Variants in TCERG1L observed in about 807,000 individuals in gnomAD.
The protein encoded by TCERG1L is transcription elongation regulator 1-like protein.
In TCERG1L, 37 loss-of-function variants were observed where a neutral mutation model predicts 56.3. The observed-to-expected ratio is 0.66, with a 90% CI of 0.51 to 0.87. The LOEUF (loss-of-function observed/expected upper bound fraction) is 0.87, where lower values mean the gene tolerates loss of function less well. TCERG1L is among the 40% of genes least tolerant of loss of function. The pLI, the probability that TCERG1L is intolerant of heterozygous loss-of-function variation, is 0.00. For synonymous variants in TCERG1L, 324 were observed against 326.3 expected (o/e 0.99, Z 0.08); for missense variants, 799 against 774.2 (o/e 1.03, Z -0.38).
chr10:131,179,065 T>C (rs1845142526), intron 4 of TCERG1L, among the ~76,000 whole-genome samples: 1 of 152,136 alleles, frequency 6.6e-6, no homozygotes, highest in African/African-American at 2.4e-5. Context: ...TGAGCCCGCG[T>C]CGGCACCATG....
At chr10:131,156,332 G>C (rs574119219) in intron 6 of TCERG1L, 1 of 151,802 alleles carries the variant, frequency 6.6e-6, no homozygotes, top group African/African-American at 2.4e-5. Context: ...TAAATGTCAC[G>C]CCCAATAAAT....
chr10:131,197,251 G>A (rs1224981531), intron 4 of TCERG1L, among the ~76,000 whole-genome samples: 4 of 151,000 alleles, frequency 2.6e-5, no homozygotes, highest in South Asian at 2.1e-4. Flanking sequence ...GCAAGATCTC[G>A]GCTCAGTGCA....
chr10:131,193,667 T>G (rs1044565258), intron 4 of TCERG1L, among the ~76,000 whole-genome samples: 5 of 152,226 alleles, frequency 3.3e-5, no homozygotes, highest in Non-Finnish European at 2.9e-5. Flanking sequence ...TGGCCTTATT[T>G]CTGGCTTCTG....
rs569026305 is a variant in TCERG1L at position 131,249,132 on chromosome 10, C to G, written c.856+11127G>C. ...CAGCAGGGACTCAGCAAAAGTGGGGCGGCTGACTGATTCATCAGGTGGGGG... is the reference window on the plus strand; with the variant it reads ...CAGCAGGGACTCAGCAAAAGTGGGGGGGCTGACTGATTCATCAGGTGGGGG... On this transcript the variant is annotated intron_variant, in intron 4 of 11. Coordinates refer to ENST00000368642, the MANE Select transcript of TCERG1L (RefSeq NM_174937.4). Among the ~76,000 whole-genome samples the G allele has an allele frequency of 5.3e-5, 8 of 152,330 alleles. No homozygotes were observed. The South Asian group carries it at 1.0e-3, about 20-fold the overall frequency.
Position 131,113,350 on chromosome 10 carries a change from T to C in TCERG1L, c.1395+3449A>G, listed in dbSNP as rs927579670. ...CTTCCCTGGTGGCCAGCCTAGCCCT[T>C]TCTGTGCACGCGTGCCCTGGCTGAA... On this transcript the variant is annotated intron_variant, in intron 9 of 11. Coordinates refer to ENST00000368642, the MANE Select transcript of TCERG1L (RefSeq NM_174937.4). 8.5e-5 allele frequency among the ~76,000 whole-genome samples: 12 copies of C among 141,982 alleles called. 2 individuals carry two copies. The highest frequency in any genetic ancestry group is 3.0e-4 in the African/African-American group (12 of 40,350). 93.1% of individuals were successfully genotyped at this position (141,982 alleles called of 152,430 possible).
chr10:131,156,534 A>C (rs903337436), intron 6 of TCERG1L, among the ~76,000 whole-genome samples: 2 of 152,138 alleles, frequency 1.3e-5, no homozygotes, highest in African/African-American at 4.8e-5. Flanking sequence ...TCTTATGCCC[A>C]ATTTCTGCCT....
rs368639746 is a variant in TCERG1L, at chr10:131,239,597, C to G, written c.856+20662G>C. 2.6e-5 allele frequency among the ~76,000 whole-genome samples: 4 copies of G among 152,364 alleles called. No homozygotes were observed. In the South Asian group the frequency reaches 8.3e-4, roughly 32 times the overall value. ...CTCAGACGCATCGGCCCTCAGACATCCATCGCACCAGAGTCAGAGGTGAGG... is the reference window on the plus strand; with the variant it reads ...CTCAGACGCATCGGCCCTCAGACATGCATCGCACCAGAGTCAGAGGTGAGG... On this transcript the variant is annotated intron_variant, in intron 4 of 11. Coordinates refer to ENST00000368642, the MANE Select transcript of TCERG1L (RefSeq NM_174937.4).
chr10:131,265,277 T>C (rs778381545), intron 3 of TCERG1L, among the ~76,000 whole-genome samples: 12 of 152,244 alleles, frequency 7.9e-5, no homozygotes, highest in Middle Eastern at 3.2e-3. Flanking sequence ...GGAAACTTTC[T>C]TATCTGTCTC....
chr10:131,248,659 C>T (rs1029823779), intron 4 of TCERG1L, among the ~76,000 whole-genome samples: 44 of 152,192 alleles, frequency 2.9e-4, no homozygotes, highest in African/African-American at 9.9e-4. Context: ...GGAATGAGAG[C>T]CCCCGTGCTG....
chr10:131,258,818 T>G (rs2133541152), intron 4 of TCERG1L, among the ~76,000 whole-genome samples: 1 of 152,302 alleles, frequency 6.6e-6, no homozygotes, highest in African/African-American at 2.4e-5. Context: ...TATGTCACCT[T>G]ATAAATCATG....
At chr10:131,291,444 T>G (rs1430370783) in intron 3 of TCERG1L, among the ~76,000 whole-genome samples, 2 of 113,546 alleles carry the variant, frequency 1.8e-5, no homozygotes, top group Admixed American at 2.1e-4. Context: ...TTTTTTTTTT[T>G]GAGACGGAGT....
chr10:131,188,917 G>C (rs1174245121), intron 4 of TCERG1L, among the ~76,000 whole-genome samples: 1 of 152,116 alleles, frequency 6.6e-6, no homozygotes, highest in Non-Finnish European at 1.5e-5. Context: ...GCAAATATGA[G>C]TGTATATCTT....
chr10:131,283,793 A>G (rs1846490061), intron 3 of TCERG1L, among the ~76,000 whole-genome samples: 1 of 152,186 alleles, frequency 6.6e-6, no homozygotes, highest in South Asian at 2.1e-4. Flanking sequence ...AAACACAGCT[A>G]AAGAGATTGC....
chr10:131,150,922 G>T (rs950071498), intron 6 of TCERG1L, among the ~76,000 whole-genome samples: 1 of 152,202 alleles, frequency 6.6e-6, no homozygotes, highest in South Asian at 2.1e-4. Context: ...AGGGCAGCAG[G>T]AGAGAGAATG....
At chr10:131,244,758 T>C (rs1441314021) in intron 4 of TCERG1L, among the ~76,000 whole-genome samples, 2 of 152,164 alleles carry the variant, frequency 1.3e-5, no homozygotes, top group African/African-American at 4.8e-5. Context: ...GTTTTACCTG[T>C]GGACGAAGTC....
At chr10:131,248,283 A>T (rs970505232) in intron 4 of TCERG1L, among the ~76,000 whole-genome samples, 9 of 518 alleles carry the variant, frequency 0.017, no homozygotes, top group Admixed American at 0.14. Flanking sequence ...CCCACAGGAC[A>T]CACACACACA....
intron 4 of TCERG1L, among the ~76,000 whole-genome samples, chr10:131,202,670 C>T (rs764464464): frequency 5.3e-5 from 8 of 152,102 alleles, no homozygotes; most frequent in Non-Finnish European, 8.8e-5. Context: ...AGTAACGTAG[C>T]GGAATTCAAG....
At position 131,311,497 on chromosome 10, in the gene TCERG1L, C is replaced by T; in HGVS notation, c.139G>A (p.Ala47Thr). Reference protein sequence around the residue: ...PPWVWMVPGSAGLLRLSAGVV... With the variant: ...PPWVWMVPGSTGLLRLSAGVV... ...CCCGCGCTGAGCCGGAGCAGCCCGG[C>T]CGAGCCCGGCACCATCCAGACCCAG... The change falls in exon 1 of 12, where the codon GCC (alanine) becomes ACC (threonine). Residue 47 changes from alanine (A) to threonine (T), a missense_variant. Ala to Thr is a moderately conservative substitution (Grantham distance 58). Transcript: ENST00000368642. This position sits in a 1 kb window ranked among gnomAD's most constrained non-coding sequence, Gnocchi z 4.0. 8.3e-7 allele frequency: 1 copy of T among 1,201,668 alleles called. No individual in the cohort carries two copies. The highest frequency in any genetic ancestry group is 1.0e-6 in the Non-Finnish European group (1 of 966,412). The allele number at this position is 1,201,668 out of a possible 1,614,324, so 74.4% of individuals were successfully genotyped here.
chr10:131,113,044 G>A (rs2133387636), intron 9 of TCERG1L, among the ~76,000 whole-genome samples: 1 of 142,642 alleles, frequency 7.0e-6, no homozygotes, highest in Non-Finnish European at 1.6e-5. Flanking sequence ...GGGCCTGCAG[G>A]CAAGGCCTCC....
Sources: allele counts gnomAD v4.1 joint callset (sites outside exome capture counted in the v4.1 genomes callset), GRCh38; gene constraint gnomAD v4.1.1; non-coding constraint Gnocchi (gnomAD v3.1); transcripts MANE v1.5; gene names NCBI Gene and HGNC (gene_info 2026-07-23, HGNC 2026-07-21).